Variants in NRXN1 observed in about 807,000 individuals in gnomAD.
The protein encoded by NRXN1 is neurexin 1.
Under a neutral mutation model 150.9 loss-of-function variants are expected in NRXN1, and 39 were observed. The ratio of observed to expected loss-of-function variants is 0.26; its 90% CI spans 0.20 to 0.34. The LOEUF (loss-of-function observed/expected upper bound fraction) is 0.34. Ranked by LOEUF, NRXN1 falls within the 10% of genes least tolerant of loss-of-function variation. The pLI is 1.00. For missense variants in NRXN1, 1,815 were observed against 1,949.9 expected, an observed-to-expected ratio of 0.93 and a Z score of 1.30; for synonymous variants, 924 against 757.0, an observed-to-expected ratio of 1.22 and a Z score of -3.62.
chr2:50,563,184 T>C (rs1056577585), intron 8 of NRXN1, among the ~76,000 whole-genome samples: 10 of 152,358 alleles, frequency 6.6e-5, no homozygotes, highest in African/African-American at 2.4e-4. Context: ...TAGCAAGTTA[T>C]ACATTCAAAT....
intron 2 of NRXN1, among the ~76,000 whole-genome samples, chr2:50,972,087 CA>C (rs554904002): frequency 0.017 from 2,084 of 121,852 alleles, 19 homozygotes; most frequent in Middle Eastern, 0.052. Context: ...ATTTTATTCA[CA>C]AAAAAAAAAA....
chr2:50,205,588 T>C (rs1364699468), intron 18 of NRXN1, among the ~76,000 whole-genome samples: 1 of 152,008 alleles, frequency 6.6e-6, no homozygotes, highest in Non-Finnish European at 1.5e-5. Flanking sequence ...GTCACACAGA[T>C]GTGGAGAATG....
intron 5 of NRXN1, among the ~76,000 whole-genome samples, chr2:50,787,244 G>A (rs1050785256): frequency 6.6e-6 from 1 of 151,856 alleles, no homozygotes; most frequent in Non-Finnish European, 1.5e-5. Context: ...CTCTCTGATG[G>A]GTCTCTGGCA....
At chr2:50,013,853 A>T (rs1223208185) in intron 21 of NRXN1, among the ~76,000 whole-genome samples, 1 of 152,140 alleles carries the variant, frequency 6.6e-6, no homozygotes, top group Non-Finnish European at 1.5e-5. Context: ...ATGAAAGAGA[A>T]ATTACATCAT....
chr2:51,011,924 A>G (rs910251967), intron 2 of NRXN1, among the ~76,000 whole-genome samples: 5 of 152,042 alleles, frequency 3.3e-5, no homozygotes, highest in African/African-American at 9.7e-5. Context: ...AGAGCCTAAA[A>G]TAGCATAATA....
intron 5 of NRXN1, among the ~76,000 whole-genome samples, chr2:50,676,642 T>C (rs1413339278): frequency 6.6e-6 from 1 of 152,114 alleles, no homozygotes; most frequent in East Asian, 1.9e-4. Flanking sequence ...ATTCAGTAAA[T>C]GTTAGCTCTA....
At chr2:50,171,227 C>A (rs954006933) in intron 18 of NRXN1, among the ~76,000 whole-genome samples, 2 of 126,938 alleles carry the variant, frequency 1.6e-5, no homozygotes, top group African/African-American at 6.5e-5. Flanking sequence ...CTGTATTGTT[C>A]AAGACTCAAG....
intron 17 of NRXN1, among the ~76,000 whole-genome samples, chr2:50,449,467 T>C (rs2086762301): frequency 6.6e-6 from 1 of 152,208 alleles, no homozygotes; most frequent in Non-Finnish European, 1.5e-5. Context: ...AGAGCAGTGC[T>C]TCTTACACTT....
intron 5 of NRXN1, among the ~76,000 whole-genome samples, chr2:50,804,150 AG>A (rs1667212035): frequency 6.6e-6 from 1 of 152,208 alleles, no homozygotes; most frequent in Non-Finnish European, 1.5e-5. Context: ...TCAATCTTGT[AG>A]ACATGATTAC....
At chr2:50,116,359 G>C (rs1183615906) in intron 18 of NRXN1, among the ~76,000 whole-genome samples, 1 of 152,080 alleles carries the variant, frequency 6.6e-6, no homozygotes. Flanking sequence ...TCAGCAGTAA[G>C]AAACACAACA....
intron 8 of NRXN1, among the ~76,000 whole-genome samples, chr2:50,592,505 G>T (rs1674449457): frequency 6.6e-6 from 1 of 152,190 alleles, no homozygotes; most frequent in African/African-American, 2.4e-5. Context: ...CAAAACAGAG[G>T]GCAGGGAGGT....
intron 22 of NRXN1, among the ~76,000 whole-genome samples, chr2:49,936,590 G>T (rs1319332919): frequency 1.3e-5 from 2 of 152,046 alleles, no homozygotes; most frequent in African/African-American, 4.8e-5. Context: ...CCAGGAAAGG[G>T]CTGCGTCTCA....
intron 2 of NRXN1, among the ~76,000 whole-genome samples, chr2:51,005,430 TC>T (rs1175555479): frequency 6.6e-6 from 1 of 151,986 alleles, no homozygotes; most frequent in Non-Finnish European, 1.5e-5. Context: ...CTGGGAACAT[TC>T]AGTATTACAC....
rs531195945 is a variant in NRXN1, at chr2:50,505,365, G to T, written c.2497+1130C>A. ...ATATGTGTGTCCTATCTACTTCATA[G>T]GACTCTAATATTCAAGAGGCACTCA... On this transcript the variant is annotated intron_variant, in intron 13 of 22. Coordinates refer to ENST00000401669, the MANE Select transcript of NRXN1 (RefSeq NM_001330078.2). Among the ~76,000 whole-genome samples the T allele has an allele frequency of 5.9e-5, 9 of 152,212 alleles. No individual in the cohort carries two copies. In the South Asian group the frequency reaches 1.9e-3, roughly 32 times the overall value.
chr2:50,664,894 G>A (rs1216216013), intron 5 of NRXN1, among the ~76,000 whole-genome samples: 3 of 151,270 alleles, frequency 2.0e-5, no homozygotes, highest in Non-Finnish European at 4.4e-5. Context: ...CTTAATAAAA[G>A]GCATAGAGAT....
chr2:50,711,082 G>C (rs1219649670), intron 5 of NRXN1, among the ~76,000 whole-genome samples: 1 of 152,138 alleles, frequency 6.6e-6, no homozygotes, highest in African/African-American at 2.4e-5. Flanking sequence ...GGTCAAGTCA[G>C]CTTAAAATTA....
Position 50,920,075 on chromosome 2 carries a change from G to A in NRXN1, c.832+1794C>T, listed in dbSNP as rs1475273947. The A allele has an allele frequency of 2.0e-5, 6 of 294,710 alleles. No homozygotes were observed. In the East Asian group the frequency reaches 6.9e-4, roughly 34 times the overall value. The allele number at this position is 294,710 out of a possible 1,614,324, so 18.3% of individuals were successfully genotyped here. On this transcript the variant is annotated intron_variant, in intron 5 of 22. Coordinates refer to ENST00000401669, the MANE Select transcript of NRXN1 (RefSeq NM_001330078.2). ...CATCTAATTAAACAATATGAAATGG[G>A]TACCAATGTGATTTGCAAAATACTC... is the stretch of plus-strand genomic sequence containing the variant.
chr2:50,398,747 A>G (rs962291363), intron 17 of NRXN1, among the ~76,000 whole-genome samples: 4 of 152,132 alleles, frequency 2.6e-5, no homozygotes, highest in African/African-American at 9.7e-5. Context: ...AAAAGTAATC[A>G]TTCTCTAATT....
At chr2:50,333,085 T>C (rs950679210) in intron 17 of NRXN1, among the ~76,000 whole-genome samples, 2 of 152,190 alleles carry the variant, frequency 1.3e-5, no homozygotes, top group African/African-American at 4.8e-5. Context: ...CTGGACCCTT[T>C]CAGTGTTTCT....
Sources: allele counts gnomAD v4.1 joint callset (sites outside exome capture counted in the v4.1 genomes callset), GRCh38; gene constraint gnomAD v4.1.1; transcripts MANE v1.5; gene names NCBI Gene and HGNC (gene_info 2026-07-23, HGNC 2026-07-21).